The following GALNTL6 variants were observed in gnomAD, a reference collection of about 807,000 sequenced individuals.
GALNTL6 encodes polypeptide N-acetylgalactosaminyltransferase like 6.
A neutral mutation model predicts 73.7 loss-of-function variants in GALNTL6; 46 were observed. That is an observed-to-expected ratio of 0.62 (90% CI 0.49 to 0.80). The LOEUF is 0.80. Among genes scored for constraint, GALNTL6 ranks in the 30% least tolerant of loss-of-function variants. GALNTL6 has a pLI of 0.00. For synonymous variants in GALNTL6, 259 were observed against 263.7 expected, an observed-to-expected ratio of 0.98 and a Z score of 0.17; for missense variants, 604 against 755.0, an observed-to-expected ratio of 0.80 and a Z score of 2.34.
chr4:171,922,720 A>C (rs1484858079), intron 2 of GALNTL6, among the ~76,000 whole-genome samples: 1 of 152,154 alleles, frequency 6.6e-6, no homozygotes, highest in Non-Finnish European at 1.5e-5. Flanking sequence ...AACAAACTCA[A>C]TAGAATTGTT....
At chr4:173,029,471 T>TA (rs1753369197) in intron 12 of GALNTL6, among the ~76,000 whole-genome samples, 1 of 152,340 alleles carries the variant, frequency 6.6e-6, no homozygotes, top group East Asian at 1.9e-4. Flanking sequence ...CAGATAGTCT[T>TA]AGAGAGTAAC....
chr4:172,922,235 C>T (rs962768122), intron 8 of GALNTL6, among the ~76,000 whole-genome samples: 2 of 152,184 alleles, frequency 1.3e-5, no homozygotes, highest in South Asian at 2.1e-4. Flanking sequence ...CCAATTAAAC[C>T]TCCTTTTCTT....
intron 5 of GALNTL6, among the ~76,000 whole-genome samples, chr4:172,634,613 C>G (rs1195096046): frequency 6.6e-6 from 1 of 152,098 alleles, no homozygotes; most frequent in Non-Finnish European, 1.5e-5. Context: ...TCTTTGAACA[C>G]TCATTCACAA....
At chr4:172,630,008 T>C (rs1739326103) in intron 5 of GALNTL6, among the ~76,000 whole-genome samples, 1 of 152,220 alleles carries the variant, frequency 6.6e-6, no homozygotes, top group Admixed American at 6.5e-5. Flanking sequence ...ATTTCTGTAG[T>C]TAACTAGAGA....
At chr4:172,240,484 A>G (rs772477169) in intron 3 of GALNTL6, among the ~76,000 whole-genome samples, 1 of 151,508 alleles carries the variant, frequency 6.6e-6, no homozygotes, top group Non-Finnish European at 1.5e-5. Context: ...ACCCACCTCA[A>G]CATCCCAAAG....
intron 8 of GALNTL6, among the ~76,000 whole-genome samples, chr4:172,895,360 C>A (rs574677636): frequency 1.3e-5 from 2 of 149,234 alleles, no homozygotes; most frequent in South Asian, 4.2e-4. Flanking sequence ...ATATATTATA[C>A]ACTTTTCATT....
chr4:173,015,065 G>C (rs1003079545), intron 11 of GALNTL6, among the ~76,000 whole-genome samples: 1 of 152,126 alleles, frequency 6.6e-6, no homozygotes, highest in African/African-American at 2.4e-5. Flanking sequence ...CCTTTTGTTT[G>C]GCACTGCTCC....
chr4:172,234,179 A>G (rs1047377694), intron 3 of GALNTL6, among the ~76,000 whole-genome samples: 1 of 152,090 alleles, frequency 6.6e-6, no homozygotes, highest in Non-Finnish European at 1.5e-5. Flanking sequence ...GTAGACACTC[A>G]TATTTGCTAG....
intron 2 of GALNTL6, among the ~76,000 whole-genome samples, chr4:171,897,144 G>C (rs563762227): frequency 3.9e-4 from 59 of 152,158 alleles, no homozygotes; most frequent in African/African-American, 1.3e-3. Context: ...TCTAGAAATT[G>C]AGAACAGAAG....
At chr4:172,739,963 A>T (rs1736706343) in intron 5 of GALNTL6, among the ~76,000 whole-genome samples, 1 of 151,998 alleles carries the variant, frequency 6.6e-6, no homozygotes, top group South Asian at 2.1e-4. Flanking sequence ...ACTTACAAGG[A>T]TGGCTACATG....
chr4:172,185,142 G>A lies in GALNTL6; in HGVS notation c.139-44514G>A, dbSNP rs143205142. Among the ~76,000 whole-genome samples, 277 of 152,286 alleles carry A rather than the reference G, an allele frequency of 1.8e-3. 1 individual carries two copies. Among genetic ancestry groups the A allele is most frequent in the African/African-American group, 6.1e-3 (253 of 41,550 alleles). On this transcript the variant is annotated intron_variant, in intron 2 of 12. Coordinates refer to ENST00000506823, the MANE Select transcript of GALNTL6 (RefSeq NM_001034845.3). ...AGCTGAGGCCAATTCTTAGACTACA[G>A]TGCTATTACTCGTTATATAGAGGAA...
intron 5 of GALNTL6, among the ~76,000 whole-genome samples, chr4:172,552,623 C>T (rs1452822593): frequency 6.6e-6 from 1 of 151,882 alleles, no homozygotes; most frequent in African/African-American, 2.4e-5. Context: ...CAAAACATGT[C>T]TACCCGCTCT....
chr4:172,718,645 CA>C lies in GALNTL6; in HGVS notation c.554-90706del, dbSNP rs898724311. ...AGGGCAAGACCCCATCTCAAAAAAA[CA>C]AAAAAAAAATCATCTGTAAATATGG... On this transcript the variant is annotated intron_variant, in intron 5 of 12. Transcript: ENST00000506823. Among the ~76,000 whole-genome samples the C allele has an allele frequency of 6.8e-5, 10 of 146,520 alleles. No individual in the cohort carries two copies. The East Asian group carries it at 7.9e-4, about 12-fold the overall frequency.
At chr4:172,395,483 A>C (rs528031392) in intron 5 of GALNTL6, among the ~76,000 whole-genome samples, 7 of 152,130 alleles carry the variant, frequency 4.6e-5, no homozygotes, top group Non-Finnish European at 1.0e-4. Flanking sequence ...CCTTTAGACT[A>C]TCTTATTATT....
chr4:171,899,784 G>A (rs1437888237), intron 2 of GALNTL6, among the ~76,000 whole-genome samples: 2 of 152,116 alleles, frequency 1.3e-5, no homozygotes, highest in Non-Finnish European at 2.9e-5. Context: ...TGGAGAATTC[G>A]TGCTAAAAAC....
intron 3 of GALNTL6, among the ~76,000 whole-genome samples, chr4:172,271,708 G>A (rs1738660407): frequency 6.6e-6 from 1 of 151,722 alleles, no homozygotes; most frequent in Non-Finnish European, 1.5e-5. Flanking sequence ...ATACAAATGT[G>A]TAATTATATA....
chr4:172,362,375 A>G (rs1404158721), intron 5 of GALNTL6, among the ~76,000 whole-genome samples: 1 of 72,964 alleles, frequency 1.4e-5, no homozygotes, highest in Non-Finnish European at 3.4e-5. Context: ...AATTAATATT[A>G]TTAAACAAAC....
Position 171,944,836 on chromosome 4 carries a change from T to C in GALNTL6, c.138+130118T>C, listed in dbSNP as rs1738656608. On this transcript the variant is annotated intron_variant, in intron 2 of 12. Coordinates refer to ENST00000506823, the MANE Select transcript of GALNTL6 (RefSeq NM_001034845.3). ...CTTAAAAAAAAAATCTCACCTGTAC[T>C]TAATAATTTGTCTTTTGTTGAAGCT... Among the ~76,000 whole-genome samples, 4 of 152,084 alleles carry C rather than the reference T, an allele frequency of 2.6e-5. No homozygotes were observed. In the South Asian group the frequency reaches 8.3e-4, roughly 31 times the overall value.
intron 2 of GALNTL6, among the ~76,000 whole-genome samples, chr4:172,083,583 C>T (rs1274479310): frequency 1.3e-5 from 2 of 152,308 alleles, no homozygotes; most frequent in South Asian, 2.1e-4. Context: ...TTATCTCTTT[C>T]TGCTCAAAGG....
Sources: gnomAD v4.1 joint callset for allele counts (sites outside exome capture counted in the v4.1 genomes callset) on GRCh38, gnomAD v4.1.1 for gene constraint, MANE v1.5 for transcripts, NCBI Gene and HGNC (gene_info 2026-07-23, HGNC 2026-07-21) for gene names.